BCKDHB: variants seen among roughly 807,000 people sequenced by gnomAD.
BCKDHB encodes the protein branched chain keto acid dehydrogenase E1 subunit beta, also known as 2-oxoisovalerate dehydrogenase subunit beta, mitochondrial.
Under a neutral mutation model 48.5 loss-of-function variants are expected in BCKDHB, and 41 were observed. The ratio of observed to expected loss-of-function variants is 0.85; its 90% CI spans 0.66 to 1.10. The LOEUF (loss-of-function observed/expected upper bound fraction) is 1.10, where lower values mean the gene tolerates loss of function less well. Among genes scored for constraint, BCKDHB ranks in the 50% least tolerant of loss-of-function variants. The pLI is 0.00. For missense variants in BCKDHB, 496 were observed against 494.2 expected (o/e 1.00, Z -0.03); for synonymous variants, 201 against 174.8 (o/e 1.15, Z -1.18).
intron 1 of BCKDHB, among the ~76,000 whole-genome samples, chr6:80,117,997 C>G (rs146224427): frequency 6.6e-6 from 1 of 152,274 alleles, no homozygotes; most frequent in East Asian, 1.9e-4. Context: ...CTATGGAAAT[C>G]CTCATAGACA....
At chr6:80,269,019 T>A (rs641229) in intron 8 of BCKDHB, among the ~76,000 whole-genome samples, 139,493 of 152,206 alleles carry the variant, frequency 0.92, 64,009 homozygotes, top group East Asian at 0.99. Context: ...TAAATAAATT[T>A]AAAGAGAACA....
chr6:80,402,071 AG>A, the BCKDHB span, among the ~76,000 whole-genome samples: 2 of 151,874 alleles, frequency 1.3e-5, no homozygotes, highest in Admixed American at 6.6e-5. Context: ...TGCTGCAATA[AG>A]CATGGGGGAG....
In BCKDHB at chr6:80,169,710, G is replaced by A; in HGVS notation, c.633+680G>A. On this transcript the variant is annotated intron_variant, in intron 5 of 9. Transcript: ENST00000320393. Reference sequence around the variant, plus strand: ...GGGATCATTGTAGAAACCCATAGATGTGTGAATCCAGAGATGTATATTTGT... The same window carrying A: ...GGGATCATTGTAGAAACCCATAGATATGTGAATCCAGAGATGTATATTTGT... 5 of 1,082,008 alleles carry A rather than the reference G, an allele frequency of 4.6e-6. No individual in the cohort carries two copies. In the South Asian group the frequency reaches 7.0e-5, roughly 15 times the overall value. The allele number at this position is 1,082,008 out of a possible 1,614,324, so 67.0% of individuals were successfully genotyped here. A position where few individuals can be genotyped will look rare whatever the true frequency, so the allele number is the denominator to read the frequency against.
chr6:80,428,047 G>T, the BCKDHB span, among the ~76,000 whole-genome samples: 9 of 150,178 alleles, frequency 6.0e-5, no homozygotes, highest in African/African-American at 2.2e-4. Flanking sequence ...CACAGGCCTC[G>T]GTGTGTGATG....
At chr6:80,250,134 G>C (rs1331085057) in intron 8 of BCKDHB, among the ~76,000 whole-genome samples, 1 of 151,996 alleles carries the variant, frequency 6.6e-6, no homozygotes. Flanking sequence ...CTTCTTCTCT[G>C]ACCTCTGCCG....
rs897587402 is a variant in BCKDHB at position 80,267,538 on chromosome 6, G to A, written c.952-5597G>A. On this transcript the variant is annotated intron_variant, in intron 8 of 9. Coordinates refer to ENST00000320393, the MANE Select transcript of BCKDHB (RefSeq NM_183050.4). ...TCTGCCAGTGTGGGGAAGGAAGTCTGAGGTGGAAAACCATCAATCACATTC... is the reference window on the plus strand; with the variant it reads ...TCTGCCAGTGTGGGGAAGGAAGTCTAAGGTGGAAAACCATCAATCACATTC... Among the ~76,000 whole-genome samples the A allele has an allele frequency of 2.0e-5, 3 of 152,090 alleles. No individual in the cohort carries two copies. In the East Asian group the frequency reaches 5.8e-4, roughly 29 times the overall value.
At chr6:80,435,948 G>A in the BCKDHB span, among the ~76,000 whole-genome samples, 4 of 152,234 alleles carry the variant, frequency 2.6e-5, no homozygotes, top group African/African-American at 4.8e-5. Flanking sequence ...TGGGAGAATC[G>A]CTTGAAGCCA....
intron 3 of BCKDHB, among the ~76,000 whole-genome samples, chr6:80,159,632 A>G (rs1354391756): frequency 1.3e-5 from 2 of 152,218 alleles, no homozygotes; most frequent in Non-Finnish European, 2.9e-5. Flanking sequence ...ATCTTTATCA[A>G]ATTTTTCATC....
At chr6:80,240,436 A>C (rs1472574288) in intron 8 of BCKDHB, among the ~76,000 whole-genome samples, 1 of 152,144 alleles carries the variant, frequency 6.6e-6, no homozygotes, top group Non-Finnish European at 1.5e-5. Flanking sequence ...GCAATTGTGA[A>C]TGGGAGTTCA....
At chr6:80,312,148 T>G (rs1176136002) in intron 9 of BCKDHB, among the ~76,000 whole-genome samples, 1 of 152,212 alleles carries the variant, frequency 6.6e-6, no homozygotes, top group South Asian at 2.1e-4. Flanking sequence ...ACTTCCCTTA[T>G]TAGCTGTATT....
At chr6:80,435,022 A>C in the BCKDHB span, among the ~76,000 whole-genome samples, 1 of 152,100 alleles carries the variant, frequency 6.6e-6, no homozygotes, top group African/African-American at 2.4e-5. Context: ...TTTAATTCTA[A>C]TCTCGAACTT....
intron 9 of BCKDHB, among the ~76,000 whole-genome samples, chr6:80,335,718 A>G (rs1160745670): frequency 6.6e-6 from 1 of 152,062 alleles, no homozygotes; most frequent in Non-Finnish European, 1.5e-5. Flanking sequence ...GATTTAGTGA[A>G]GAAAATTTTT....
intron 8 of BCKDHB, among the ~76,000 whole-genome samples, chr6:80,224,642 C>T (rs899089677): frequency 6.6e-5 from 10 of 152,172 alleles, no homozygotes; most frequent in African/African-American, 2.4e-5. Flanking sequence ...GCAATCTGCC[C>T]ACCTCAGCCT....
chr6:80,462,276 T>C, the BCKDHB span, among the ~76,000 whole-genome samples: 9,311 of 152,250 alleles, frequency 0.061, 892 homozygotes, highest in African/African-American at 0.21. Flanking sequence ...AAGAGTTATT[T>C]GAGGGCATGA....
At chr6:80,254,760 A>G (rs1176234466) in intron 8 of BCKDHB, among the ~76,000 whole-genome samples, 1 of 152,184 alleles carries the variant, frequency 6.6e-6, no homozygotes, top group Admixed American at 6.6e-5. Context: ...AGGCTAAGGA[A>G]TGCCAGAAAT....
chr6:80,269,857 A>T (rs114782643), intron 8 of BCKDHB, among the ~76,000 whole-genome samples: 2,083 of 152,180 alleles, frequency 0.014, 34 homozygotes, highest in African/African-American at 0.048. Context: ...ATACTGCATT[A>T]ATTTTTACTA....
intron 8 of BCKDHB, among the ~76,000 whole-genome samples, chr6:80,264,530 G>A (rs1416334270): frequency 1.3e-5 from 2 of 152,102 alleles, no homozygotes; most frequent in Non-Finnish European, 2.9e-5. Context: ...CTGTTACCAT[G>A]TATAAGTTTT....
intron 8 of BCKDHB, among the ~76,000 whole-genome samples, chr6:80,206,576 T>G (rs1774673361): frequency 6.6e-6 from 1 of 151,438 alleles, no homozygotes; most frequent in South Asian, 2.1e-4. Context: ...TGTACATGTA[T>G]GTATATGGAT....
chr6:80,175,285 G>A (rs1293791025), intron 6 of BCKDHB, among the ~76,000 whole-genome samples: 1 of 152,064 alleles, frequency 6.6e-6, no homozygotes, highest in African/African-American at 2.4e-5. Flanking sequence ...CGCTTCCCAC[G>A]GGTCACATCT....
Sources: gnomAD v4.1 joint callset for allele counts (sites outside exome capture counted in the v4.1 genomes callset) on GRCh38, gnomAD v4.1.1 for gene constraint, MANE v1.5 for transcripts, NCBI Gene and HGNC (gene_info 2026-07-23, HGNC 2026-07-21) for gene names.